The following SOX5 variants were observed in gnomAD, a reference collection of about 807,000 sequenced individuals.
SOX5 encodes the protein transcription factor SOX-5.
A neutral mutation model predicts 92.0 loss-of-function variants in SOX5; 9 were observed. The observed-to-expected ratio is 0.10, with a 90% confidence interval of 0.06 to 0.17. SOX5 has a LOEUF of 0.17. SOX5 is among the 10% of genes least tolerant of loss of function. The pLI, the probability that SOX5 is intolerant of heterozygous loss-of-function variation, is 1.00. For synonymous variants in SOX5, 344 were observed against 336.3 expected, an observed-to-expected ratio of 1.02 and a Z score of -0.25; for missense variants, 642 against 944.5, an observed-to-expected ratio of 0.68 and a Z score of 4.20.
chr12:23,912,125 T>C (rs544210428), intron 1 of SOX5, among the ~76,000 whole-genome samples: 2 of 152,102 alleles, frequency 1.3e-5, no homozygotes, highest in East Asian at 1.9e-4. Flanking sequence ...CATATACTTA[T>C]ATACATGGAA....
intron 3 of SOX5, among the ~76,000 whole-genome samples, chr12:24,237,004 G>A (rs958410770): frequency 4.6e-5 from 7 of 152,088 alleles, no homozygotes; most frequent in African/African-American, 7.2e-5. Flanking sequence ...ACTTTGCCAC[G>A]GTCTTTTGAT....
intron 4 of SOX5, among the ~76,000 whole-genome samples, chr12:24,001,620 C>T (rs533845391): frequency 4.9e-4 from 74 of 152,056 alleles, no homozygotes; most frequent in African/African-American, 1.7e-3. Flanking sequence ...GAGTTCAAGA[C>T]TAGTCTAGGC....
chr12:24,521,810 A>C (rs1486572990), intron 1 of SOX5, among the ~76,000 whole-genome samples: 1 of 152,174 alleles, frequency 6.6e-6, no homozygotes, highest in Non-Finnish European at 1.5e-5. Flanking sequence ...AAGCAAAAGA[A>C]GTAATAACAG....
rs563317038 is a variant in SOX5 at position 24,051,513 on chromosome 12, T to C, written c.-1-155489A>G. On this transcript the variant is annotated intron_variant, in intron 4 of 4. Transcript: ENST00000446891. Reference sequence around the variant, plus strand: ...ATAATACACCATAATCATATGGAATTCATTCCAAGAACGAAGAGCTAGTTC... The same window carrying C: ...ATAATACACCATAATCATATGGAATCCATTCCAAGAACGAAGAGCTAGTTC... Among the ~76,000 whole-genome samples, 5 of 152,288 alleles carry C rather than the reference T, an allele frequency of 3.3e-5. No homozygotes were observed. In the South Asian group the frequency reaches 1.0e-3, roughly 32 times the overall value.
chr12:23,632,592 T>C (rs2078687160), intron 8 of SOX5, among the ~76,000 whole-genome samples: 1 of 152,132 alleles, frequency 6.6e-6, no homozygotes, highest in Admixed American at 6.6e-5. Context: ...CTTTTATCTG[T>C]GTCCTGTCAT....
chr12:24,108,327 C>T (rs1012781171), intron 4 of SOX5, among the ~76,000 whole-genome samples: 13 of 151,516 alleles, frequency 8.6e-5, no homozygotes, highest in African/African-American at 3.2e-4. Flanking sequence ...TTTTTTATTC[C>T]TATTTCCTAT....
intron 4 of SOX5, among the ~76,000 whole-genome samples, chr12:24,132,114 CTT>C (rs1218929341): frequency 6.6e-6 from 1 of 152,116 alleles, no homozygotes; most frequent in Non-Finnish European, 1.5e-5. Context: ...AAATAAAAGG[CTT>C]ACTTCAGTTA....
chr12:23,545,759 G>A (rs896023297), intron 12 of SOX5, among the ~76,000 whole-genome samples: 3 of 151,888 alleles, frequency 2.0e-5, no homozygotes, highest in Admixed American at 6.6e-5. Context: ...AAGTGAGGCC[G>A]CATGCAGTAA....
Position 23,543,319 on chromosome 12 carries a change from G to A in SOX5, c.1663C>T (p.His555Tyr), listed in dbSNP as rs759937480. ...AAGGCATTCATTGGACGCTTTATGTGGGGTTCATTGCTACCACGCCCTCGG... is the reference window on the plus strand; with the variant it reads ...AAGGCATTCATTGGACGCTTTATGTAGGGTTCATTGCTACCACGCCCTCGG... ...ESRGRGSNEP[H>Y]IKRPMNAFMV... Residue 555 changes from histidine to tyrosine, a missense_variant, in exon 13 of 15, where the codon CAC becomes TAC. Physicochemically the swap from His to Tyr is moderately conservative, Grantham distance 83. Around this residue, in one of 8 missense-constraint regions of SOX5, gnomAD observed 24 missense variants for 84.4 expected, o/e 0.28. Transcript: ENST00000451604. The A allele has an allele frequency of 6.2e-7, 1 of 1,613,746 alleles. No individual in the cohort carries two copies.
chr12:24,316,952 G>A (rs1450345588), intron 2 of SOX5, among the ~76,000 whole-genome samples: 1 of 152,088 alleles, frequency 6.6e-6, no homozygotes, highest in Non-Finnish European at 1.5e-5. Flanking sequence ...TTAAATGATG[G>A]TAACCCTTTA....
chr12:24,378,723 A>C (rs956943564), intron 1 of SOX5, among the ~76,000 whole-genome samples: 1 of 152,242 alleles, frequency 6.6e-6, no homozygotes, highest in African/African-American at 2.4e-5. Context: ...AAGTGGAGCT[A>C]TGACATCTCA....
At chr12:24,281,485 G>T (rs1293952611) in intron 2 of SOX5, among the ~76,000 whole-genome samples, 1 of 152,158 alleles carries the variant, frequency 6.6e-6, no homozygotes, top group Admixed American at 6.5e-5. Flanking sequence ...CTACGGCTGG[G>T]CCGCCCTGCA....
At chr12:23,790,546 TCTCACA>T (rs2095455915) in intron 3 of SOX5, among the ~76,000 whole-genome samples, 3 of 76,050 alleles carry the variant, frequency 3.9e-5, no homozygotes, top group Non-Finnish European at 5.9e-5. Flanking sequence ...TCTCTCAATC[TCTCACA>T]CACACACACA....
chr12:23,960,726 G>T (rs1411108597), intron 4 of SOX5, among the ~76,000 whole-genome samples: 1 of 151,386 alleles, frequency 6.6e-6, no homozygotes, highest in East Asian at 1.9e-4. Context: ...AAACAAGGTA[G>T]GTAACTGAAC....
chr12:23,723,463 G>T (rs1234013398), intron 6 of SOX5, among the ~76,000 whole-genome samples: 3 of 151,758 alleles, frequency 2.0e-5, no homozygotes, highest in African/African-American at 7.3e-5. Flanking sequence ...TCCAGCAGCA[G>T]GTATGGATGT....
intron 1 of SOX5, among the ~76,000 whole-genome samples, chr12:24,529,878 G>A (rs1951026258): frequency 6.6e-6 from 1 of 152,118 alleles, no homozygotes; most frequent in Admixed American, 6.5e-5. Flanking sequence ...AAATTAGCTA[G>A]GCGTGGTGGC....
Position 23,965,749 on chromosome 12 carries a change from G to C in SOX5, c.-1-69725C>G, listed in dbSNP as rs140861013. ...TTTTCCTGTCCCAGCCTCCCTAGTA[G>C]CTGGGACTACAGGCGTGCACCACCA... is the stretch of plus-strand genomic sequence containing the variant. On this transcript the variant is annotated intron_variant, in intron 4 of 4. Transcript: ENST00000446891. Among the ~76,000 whole-genome samples, 4 of 152,196 alleles carry C rather than the reference G, an allele frequency of 2.6e-5. No individual in the cohort carries two copies. In the East Asian group the frequency reaches 7.8e-4, roughly 30 times the overall value.
In SOX5 at chr12:23,583,001, C is replaced by T. The variant is rs113376652; in HGVS notation, c.1165-7163G>A. Among the ~76,000 whole-genome samples the T allele has an allele frequency of 5.3e-5, 8 of 152,056 alleles. No individual in the cohort carries two copies. In the East Asian group the frequency reaches 5.8e-4, roughly 11 times the overall value. ...TTCCGACTTTGTTGAATTAATGCCT[C>T]GATGCTGTAAATTATACACGCAAGC... On this transcript the variant is annotated intron_variant, in intron 9 of 14. Coordinates refer to ENST00000451604, the MANE Select transcript of SOX5 (RefSeq NM_006940.6).
In SOX5 at chr12:23,682,219, C is replaced by T. The variant is rs554872937; in HGVS notation, c.811-16655G>A. ...TCGAACAGATTTCAGAGATTTAGTG[C>T]TGTACAAAAATATGATGATAGTATT... On this transcript the variant is annotated intron_variant, in intron 6 of 14. Coordinates refer to ENST00000451604, the MANE Select transcript of SOX5 (RefSeq NM_006940.6). Among the ~76,000 whole-genome samples the T allele has an allele frequency of 4.0e-5, 6 of 151,862 alleles. No homozygotes were observed. The South Asian group carries it at 1.0e-3, about 26-fold the overall frequency.
Sources: allele counts gnomAD v4.1 joint callset (sites outside exome capture counted in the v4.1 genomes callset), GRCh38; gene constraint gnomAD v4.1.1; regional missense constraint gnomAD v4.1.1; transcripts MANE v1.5; gene names NCBI Gene and HGNC (gene_info 2026-07-23, HGNC 2026-07-21).